GYPC: variants seen among roughly 807,000 people sequenced by gnomAD.
The protein encoded by GYPC is glycophorin C (Gerbich blood group), also known as glycophorin-C.
Under a neutral mutation model 12.6 loss-of-function variants are expected in GYPC, and 14 were observed. The observed-to-expected ratio is 1.11, with a 90% CI of 0.74 to 1.74. The LOEUF (loss-of-function observed/expected upper bound fraction) is 1.74. Among genes scored for constraint, GYPC ranks in the 40% most tolerant of loss-of-function variants. The pLI is 0.00. For missense variants in GYPC, 225 were observed against 172.1 expected (o/e 1.31, Z -1.72); for synonymous variants, 78 against 62.1 (o/e 1.26, Z -1.20).
chr2:126,664,791 C>G (rs550331456), intron 1 of GYPC, among the ~76,000 whole-genome samples: 1 of 152,204 alleles, frequency 6.6e-6, no homozygotes, highest in Non-Finnish European at 1.5e-5. Flanking sequence ...TGATCCTCCT[C>G]TACGTTGGCA....
At position 126,694,094 on chromosome 2, in the gene GYPC, A is replaced by G. The variant is rs1683566143; in HGVS notation, c.190+147A>G. On this transcript the variant is annotated intron_variant, in intron 3 of 3. Coordinates refer to ENST00000259254, the MANE Select transcript of GYPC (RefSeq NM_002101.5). The stretch of plus-strand genomic sequence containing the variant: ...AGAGGTGGTTTTGAATGTGGAATGG[A>G]GGAGTCTAGCCCTGGGTAAATATAT... 7.3e-5 allele frequency: 51 copies of G among 699,376 alleles called. No homozygotes were observed. In the South Asian group the frequency reaches 7.4e-4, roughly 10 times the overall value. 43.3% of individuals were successfully genotyped at this position (699,376 alleles called of 1,614,324 possible).
intron 1 of GYPC, among the ~76,000 whole-genome samples, chr2:126,688,693 G>T (rs143872381): frequency 6.6e-6 from 1 of 152,068 alleles, no homozygotes; most frequent in East Asian, 1.9e-4. Flanking sequence ...GGTGGCCCCA[G>T]ACACCACTAG....
intron 2 of GYPC, among the ~76,000 whole-genome samples, chr2:126,692,856 G>A (rs1683514423): frequency 6.6e-6 from 1 of 152,208 alleles, no homozygotes; most frequent in South Asian, 2.1e-4. Context: ...GCACTCCAGA[G>A]GCAAGAGCAC....
chr2:126,691,460 A>T (rs1160503896), intron 2 of GYPC, among the ~76,000 whole-genome samples: 2 of 152,134 alleles, frequency 1.3e-5, no homozygotes, highest in Non-Finnish European at 2.9e-5. Flanking sequence ...TGTGTGGCCA[A>T]GTCCTGCTCC....
chr2:126,659,780 CTTTTT>C (rs1203132482), intron 1 of GYPC, among the ~76,000 whole-genome samples: 2 of 137,898 alleles, frequency 1.5e-5, no homozygotes, highest in Non-Finnish European at 3.2e-5. Flanking sequence ...TCTTTCTTTT[CTTTTT>C]TTTTTTTTTT....
intron 1 of GYPC, among the ~76,000 whole-genome samples, chr2:126,663,252 T>A (rs28369975): frequency 1.3e-5 from 2 of 151,924 alleles, no homozygotes; most frequent in African/African-American, 4.8e-5. Context: ...TGGCCAGGAT[T>A]GTCTCAATCT....
intron 1 of GYPC, among the ~76,000 whole-genome samples, chr2:126,672,801 G>C (rs1483841842): frequency 6.6e-6 from 1 of 152,150 alleles, no homozygotes. Context: ...TAACCTGGGG[G>C]AGGAAGGCCA....
intron 1 of GYPC, among the ~76,000 whole-genome samples, chr2:126,684,081 A>G (rs541970735): frequency 6.6e-6 from 1 of 152,320 alleles, no homozygotes; most frequent in African/African-American, 2.4e-5. Flanking sequence ...ACTGCTGATC[A>G]TCTTATAGAG....
chr2:126,684,699 C>T (rs1019650920), intron 1 of GYPC, among the ~76,000 whole-genome samples: 7 of 152,082 alleles, frequency 4.6e-5, no homozygotes, highest in East Asian at 1.9e-4. Context: ...ATGGCTGGAG[C>T]GTAGAAGGTG....
At chr2:126,683,634 AT>A (rs1683208918) in intron 1 of GYPC, among the ~76,000 whole-genome samples, 1 of 152,078 alleles carries the variant, frequency 6.6e-6, no homozygotes, top group Non-Finnish European at 1.5e-5. Context: ...TTCTGTTTAA[AT>A]TTTTTTTCTA....
At chr2:126,670,627 C>T (rs545941920) in intron 1 of GYPC, among the ~76,000 whole-genome samples, 2 of 152,194 alleles carry the variant, frequency 1.3e-5, no homozygotes, top group South Asian at 2.1e-4. Context: ...AGGCACAGCT[C>T]AGCCTCTTGG....
intron 1 of GYPC, among the ~76,000 whole-genome samples, chr2:126,667,746 T>A (rs1277055893): frequency 6.6e-6 from 1 of 151,730 alleles, no homozygotes; most frequent in African/African-American, 2.4e-5. Context: ...GGACCTCTTG[T>A]GTAGCAGGTG....
chr2:126,693,793 C>T (rs956541924), intron 2 of GYPC, 71 bp from the exon 3 acceptor site: 2 of 1,032,264 alleles, frequency 1.9e-6, no homozygotes, highest in African/African-American at 1.6e-5. Flanking sequence ...AAGGATGCAG[C>T]TTGGGCCAAG....
intron 1 of GYPC, among the ~76,000 whole-genome samples, chr2:126,661,659 T>C (rs1682540652): frequency 6.6e-6 from 1 of 151,932 alleles, no homozygotes; most frequent in East Asian, 1.9e-4. Flanking sequence ...TCCATGTTGG[T>C]CAGGCTGGTC....
intron 1 of GYPC, among the ~76,000 whole-genome samples, chr2:126,683,445 C>G (rs1349538544): frequency 6.6e-6 from 1 of 152,242 alleles, no homozygotes; most frequent in East Asian, 1.9e-4. Context: ...CTTTTATCCC[C>G]AGATTCTTCC....
chr2:126,686,832 G>A (rs1011383593), intron 1 of GYPC, among the ~76,000 whole-genome samples: 10 of 152,058 alleles, frequency 6.6e-5, no homozygotes, highest in Non-Finnish European at 1.2e-4. Flanking sequence ...ATTCTGCCAT[G>A]AACCCACCCC....
chr2:126,671,777 C>T (rs1299598147), intron 1 of GYPC, among the ~76,000 whole-genome samples: 2 of 152,166 alleles, frequency 1.3e-5, no homozygotes, highest in African/African-American at 4.8e-5. Context: ...CACACTTTGG[C>T]GAGGTGGACA....
At chr2:126,660,263 G>A (rs1295508652) in intron 1 of GYPC, among the ~76,000 whole-genome samples, 1 of 152,230 alleles carries the variant, frequency 6.6e-6, no homozygotes, top group Non-Finnish European at 1.5e-5. Flanking sequence ...CCACCGTTGT[G>A]TCCATGCTGT....
chr2:126,669,600 T>C (rs1414170705), intron 1 of GYPC, among the ~76,000 whole-genome samples: 2 of 152,208 alleles, frequency 1.3e-5, no homozygotes, highest in Non-Finnish European at 2.9e-5. Context: ...CTGGAGCCTC[T>C]GAAAAACCCT....
Sources: allele counts gnomAD v4.1 joint callset (sites outside exome capture counted in the v4.1 genomes callset), GRCh38; gene constraint gnomAD v4.1.1; transcripts MANE v1.5; gene names NCBI Gene and HGNC (gene_info 2026-07-23, HGNC 2026-07-21).